RAPGEF6: variants seen among roughly 807,000 people sequenced by gnomAD.
RAPGEF6 encodes the protein Rap guanine nucleotide exchange factor 6.
A neutral mutation model predicts 171.4 loss-of-function variants in RAPGEF6; 56 were observed. That is an observed-to-expected ratio of 0.33 (90% CI 0.26 to 0.41). RAPGEF6 has a LOEUF of 0.41. Ranked by LOEUF, RAPGEF6 falls within the 10% of genes least tolerant of loss-of-function variation. The pLI is 1.00. For synonymous variants in RAPGEF6, 692 were observed against 650.1 expected, an observed-to-expected ratio of 1.06 and a Z score of -0.98; for missense variants, 1,674 against 1,921.4, an observed-to-expected ratio of 0.87 and a Z score of 2.41.
chr5:131,494,054 A>T (rs1412800523), intron 13 of RAPGEF6, among the ~76,000 whole-genome samples: 1 of 152,246 alleles, frequency 6.6e-6, no homozygotes, highest in Non-Finnish European at 1.5e-5. Context: ...AATTAATTAC[A>T]GCTCTTGAGC....
chr5:131,621,750 T>G (rs35472856), intron 1 of RAPGEF6, among the ~76,000 whole-genome samples: 4,220 of 152,278 alleles, frequency 0.028, 76 homozygotes, highest in Middle Eastern at 0.071. Context: ...GCCTAACTTA[T>G]TTTCCAATCT....
intron 1 of RAPGEF6, among the ~76,000 whole-genome samples, chr5:131,612,066 ACT>A (rs1320858138): frequency 1.3e-5 from 2 of 152,072 alleles, no homozygotes; most frequent in Admixed American, 1.3e-4. Context: ...ACGGGGTCTC[ACT>A]CTGTCACCCA....
intron 17 of RAPGEF6, among the ~76,000 whole-genome samples, chr5:131,468,928 T>C (rs1318926616): frequency 6.6e-6 from 1 of 152,240 alleles, no homozygotes; most frequent in Non-Finnish European, 1.5e-5. Flanking sequence ...ACATATTTTT[T>C]AGGCACTTAT....
chr5:131,435,036 C>G (rs911047646), intron 24 of RAPGEF6, among the ~76,000 whole-genome samples: 4 of 152,182 alleles, frequency 2.6e-5, no homozygotes, highest in Non-Finnish European at 5.9e-5. Flanking sequence ...AGGGCCTCAT[C>G]TTCATGCAGA....
chr5:131,604,496 C>A, intron 2 of RAPGEF6, 127 bp downstream of exon 2: 3 of 1,019,268 alleles, frequency 2.9e-6, no homozygotes, highest in Non-Finnish European at 4.2e-6. Flanking sequence ...AACCAGGGAT[C>A]TAATCTATAA....
chr5:131,439,729 C>G lies in RAPGEF6; in HGVS notation c.3611-14G>C. The G allele has an allele frequency of 1.2e-6, 2 of 1,607,406 alleles. No individual in the cohort carries two copies. The highest frequency in any genetic ancestry group is 1.7e-6 in the Non-Finnish European group (2 of 1,177,850). On this transcript the variant is annotated splice_polypyrimidine_tract_variant and intron_variant, in intron 23 of 27. Transcript: ENST00000509018. ...GTAAACTTGTATCTAAAAATAAAAC[C>G]AAAGATGCAAATAAGCATCGTTTCA... is the stretch of plus-strand genomic sequence containing the variant.
At chr5:131,472,074 CTT>C (rs34112867) in intron 17 of RAPGEF6, 41 of 141,330 alleles carry the variant, frequency 2.9e-4, no homozygotes, top group South Asian at 1.0e-3. Context: ...TTTTTCTTTT[CTT>C]TTTTTTTTTT....
chr5:131,580,642 G>A (rs1762903639), intron 4 of RAPGEF6, among the ~76,000 whole-genome samples: 1 of 152,204 alleles, frequency 6.6e-6, no homozygotes, highest in African/African-American at 2.4e-5. Context: ...TACACCATGA[G>A]AACAGAACCT....
At position 131,521,426 on chromosome 5, in the gene RAPGEF6, A is replaced by G. The variant is rs147694805; in HGVS notation, c.591T>C (p.Ser197=). Residue 197 remains serine (S), a synonymous_variant, in exon 7 of 28, where the codon AGT becomes AGC. Transcript: ENST00000509018. ...SSSQSGCSIA[S]DSGSSSLSDI... is the part of the protein sequence containing the mutation. ...CAGATAAACTGCTGCTTCCAGAGTC[A>G]CTGGCAATGCTACAACCAGACTGAC... 6.2e-6 allele frequency: 10 copies of G among 1,611,830 alleles called. No homozygotes were observed. The highest frequency in any genetic ancestry group is 2.7e-5 in the African/African-American group (2 of 74,932).
chr5:131,425,701 G>C lies in RAPGEF6; in HGVS notation c.*1565C>G, dbSNP rs1751362076. 6.6e-6 allele frequency: 1 copy of C among 152,246 alleles called. No individual in the cohort carries two copies. Among genetic ancestry groups the C allele is most frequent in the Non-Finnish European group, 1.5e-5 (1 of 68,032 alleles). The allele number at this position is 152,246 out of a possible 1,614,324, so 9.4% of individuals were successfully genotyped here. A position where few individuals can be genotyped will look rare whatever the true frequency, so the allele number is the denominator to read the frequency against. On this transcript the variant is annotated 3_prime_UTR_variant, in exon 28 of 28. Coordinates refer to ENST00000509018, the MANE Select transcript of RAPGEF6 (RefSeq NM_016340.6). ...CATTTACCACTTACAACTGATTCAT[G>C]ATTTTAAAATGAAGGGGGATATGCA... is the stretch of plus-strand genomic sequence containing the variant.
At chr5:131,522,665 T>C (rs1425626966) in intron 6 of RAPGEF6, among the ~76,000 whole-genome samples, 1 of 151,676 alleles carries the variant, frequency 6.6e-6, no homozygotes. Context: ...CATACATACA[T>C]ACACACACAC....
intron 6 of RAPGEF6, among the ~76,000 whole-genome samples, chr5:131,528,267 T>C (rs1228259232): frequency 7.9e-6 from 1 of 126,672 alleles, no homozygotes; most frequent in Non-Finnish European, 1.6e-5. Flanking sequence ...TAAAATAATA[T>C]ATTTATATTA....
chr5:131,445,493 C>CTGTGTGTGTGTGTGTGTGTG (rs11269268), intron 22 of RAPGEF6, among the ~76,000 whole-genome samples: 3,223 of 147,262 alleles, frequency 0.022, 52 homozygotes, highest in East Asian at 0.074. Flanking sequence ...AACTCACTCT[C>CTGTGTGTGTGTGTGTGTGTG]TGTGTGTGTG....
intron 4 of RAPGEF6, among the ~76,000 whole-genome samples, chr5:131,574,410 A>T (rs1039367720): frequency 5.3e-5 from 8 of 152,100 alleles, no homozygotes; most frequent in Admixed American, 2.0e-4. Flanking sequence ...CTTACAGTGG[A>T]GGGTAAGTCC....
chr5:131,495,774 CCCTT>C, intron 12 of RAPGEF6, 114 bp from the exon 13 acceptor site: 1 of 1,401,068 alleles, frequency 7.1e-7, no homozygotes, highest in Non-Finnish European at 9.4e-7. Context: ...CTTGTTCCCT[CCCTT>C]GTGTAAAAAA....
chr5:131,562,394 A>C (rs751862511), intron 4 of RAPGEF6, among the ~76,000 whole-genome samples: 6 of 152,172 alleles, frequency 3.9e-5, no homozygotes, highest in Non-Finnish European at 7.4e-5. Flanking sequence ...GTAAAAATCT[A>C]ATAAAAGTGA....
chr5:131,506,406 A>G (rs191759292), intron 9 of RAPGEF6, among the ~76,000 whole-genome samples: 1 of 152,302 alleles, frequency 6.6e-6, no homozygotes. Context: ...CTGGGACTAC[A>G]AGCATGAGCC....
rs539230559 is a variant in RAPGEF6, at chr5:131,468,629, T to C, written c.2239+3958A>G. On this transcript the variant is annotated intron_variant, in intron 17 of 27. Transcript: ENST00000509018. Reference sequence around the variant, plus strand: ...CATTCTGCTTTAAATTGTTAATTGTTGAATAAATATTTATGAAGTGCCTGT... The same window carrying C: ...CATTCTGCTTTAAATTGTTAATTGTCGAATAAATATTTATGAAGTGCCTGT... Among the ~76,000 whole-genome samples, 318 of 152,302 alleles carry C rather than the reference T, an allele frequency of 2.1e-3. 1 individual carries two copies. Among genetic ancestry groups the C allele is most frequent in the African/African-American group, 7.5e-3 (312 of 41,560 alleles).
At chr5:131,512,619 T>C (rs1757811347) in intron 7 of RAPGEF6, among the ~76,000 whole-genome samples, 1 of 152,164 alleles carries the variant, frequency 6.6e-6, no homozygotes, top group Non-Finnish European at 1.5e-5. Flanking sequence ...CATTTAACAA[T>C]CTAGACTAAA....
Sources: gnomAD v4.1 joint callset for allele counts (sites outside exome capture counted in the v4.1 genomes callset) on GRCh38, gnomAD v4.1.1 for gene constraint, MANE v1.5 for transcripts, NCBI Gene and HGNC (gene_info 2026-07-23, HGNC 2026-07-21) for gene names.